CACNG4: variants seen among roughly 807,000 people sequenced by gnomAD.
The protein encoded by CACNG4 is calcium voltage-gated channel auxiliary subunit gamma 4.
A neutral mutation model predicts 22.9 loss-of-function variants in CACNG4; 8 were observed. The observed-to-expected ratio is 0.35, with a 90% CI of 0.21 to 0.63. The LOEUF is 0.63. Ranked by LOEUF, CACNG4 falls within the 30% of genes least tolerant of loss-of-function variation. The pLI, the probability that CACNG4 is intolerant of heterozygous loss-of-function variation, is 0.72. For missense variants in CACNG4, 357 were observed against 455.4 expected, an observed-to-expected ratio of 0.78 and a Z score of 1.97; for synonymous variants, 188 against 191.9, an observed-to-expected ratio of 0.98 and a Z score of 0.17.
intron 2 of CACNG4, among the ~76,000 whole-genome samples, chr17:67,023,099 C>T (rs872719): frequency 0.023 from 3,543 of 152,100 alleles, 152 homozygotes; most frequent in African/African-American, 0.082. Flanking sequence ...CACTCCTTGG[C>T]CCATGGCAGC....
At chr17:66,987,278 C>T (rs564929026) in intron 1 of CACNG4, among the ~76,000 whole-genome samples, 4 of 152,270 alleles carry the variant, frequency 2.6e-5, no homozygotes, top group Non-Finnish European at 2.9e-5. Context: ...GAGGTTTCTT[C>T]TTGGACAAAT....
chr17:66,995,578 G>T (rs568635863), intron 1 of CACNG4, among the ~76,000 whole-genome samples: 21 of 152,158 alleles, frequency 1.4e-4, no homozygotes, highest in Admixed American at 1.4e-3. Context: ...TAGGCCGGGC[G>T]CAGGGGCTCA....
chr17:66,964,981 A>T lies in CACNG4; in HGVS notation c.70A>T (p.Met24Leu), dbSNP rs2035157177. The T allele has an allele frequency of 6.2e-7, 1 of 1,610,678 alleles. No homozygotes were observed. Among genetic ancestry groups the T allele is most frequent in the Non-Finnish European group, 8.5e-7 (1 of 1,179,018 alleles). ...TAGAFAAFSL[M>L]AIAIGTDYWL... Reference sequence around the variant, plus strand: ...CGGAGCCTTCGCCGCCTTCTCGCTCATGGCCATCGCCATCGGCACCGACTA... The same window carrying T: ...CGGAGCCTTCGCCGCCTTCTCGCTCTTGGCCATCGCCATCGGCACCGACTA... Residue 24 changes from methionine to leucine, a missense_variant, in exon 1 of 4, where the codon ATG becomes TTG. Around this residue, in one of 3 missense-constraint regions of CACNG4, gnomAD observed 114 missense variants for 161.6 expected, o/e 0.71. Coordinates refer to ENST00000262138, the MANE Select transcript of CACNG4 (RefSeq NM_014405.4).
chr17:67,028,378 C>G (rs1462983884), intron 3 of CACNG4, among the ~76,000 whole-genome samples: 3 of 152,114 alleles, frequency 2.0e-5, no homozygotes, highest in Non-Finnish European at 2.9e-5. Flanking sequence ...ACGGTGAAAC[C>G]CCGTCTCTAC....
In CACNG4 at chr17:67,032,827, A is replaced by G. The variant is rs940104236; in HGVS notation, c.*1823A>G. The G allele has an allele frequency of 6.5e-6, 1 of 152,880 alleles. No homozygotes were observed. Among genetic ancestry groups the G allele is most frequent in the Non-Finnish European group, 1.5e-5 (1 of 68,274 alleles). 9.5% of individuals were successfully genotyped at this position (152,880 alleles called of 1,614,324 possible). On this transcript the variant is annotated 3_prime_UTR_variant, in exon 4 of 4. Coordinates refer to ENST00000262138, the MANE Select transcript of CACNG4 (RefSeq NM_014405.4). The stretch of plus-strand genomic sequence containing the variant: ...CTAGGCCAGCCCTGTCACCACCTCC[A>G]CTGCCATGACCAGGCCGAAGGCAGG...
At chr17:66,974,149 G>A (rs1467415384) in intron 1 of CACNG4, among the ~76,000 whole-genome samples, 1 of 152,218 alleles carries the variant, frequency 6.6e-6, no homozygotes, top group Non-Finnish European at 1.5e-5. Context: ...AGAGATGATG[G>A]CTGCGTCCAG....
chr17:66,993,766 C>T (rs888127257), intron 1 of CACNG4, among the ~76,000 whole-genome samples: 3 of 152,102 alleles, frequency 2.0e-5, no homozygotes, highest in Admixed American at 6.5e-5. Flanking sequence ...CCACCATGCC[C>T]GGCTAACTTT....
chr17:66,965,527 G>A (rs1004095327), intron 1 of CACNG4, among the ~76,000 whole-genome samples: 3 of 151,284 alleles, frequency 2.0e-5, no homozygotes, highest in Non-Finnish European at 3.0e-5. Context: ...GGCTGGCGAG[G>A]GGGCGGGAGG....
In CACNG4 at chr17:66,975,077, G is replaced by A. The variant is rs578242733; in HGVS notation, c.220+9946G>A. Among the ~76,000 whole-genome samples, 38 of 152,162 alleles carry A rather than the reference G, an allele frequency of 2.5e-4. 1 individual carries two copies. The South Asian group carries it at 6.7e-3, about 27-fold the overall frequency. On this transcript the variant is annotated intron_variant, in intron 1 of 3. Transcript: ENST00000262138. Reference sequence around the variant, plus strand: ...GCAAGCCCACAGAGGTGGAGGTGTCGGGAAATGCTGTTTAACTGCCTCTCC... The same window carrying A: ...GCAAGCCCACAGAGGTGGAGGTGTCAGGAAATGCTGTTTAACTGCCTCTCC...
chr17:67,028,202 A>C lies in CACNG4; in HGVS notation c.446-2264A>C, dbSNP rs1326878470. Among the ~76,000 whole-genome samples, 6 of 152,200 alleles carry C rather than the reference A, an allele frequency of 3.9e-5. No individual in the cohort carries two copies. The East Asian group carries it at 9.6e-4, about 24-fold the overall frequency. ...CCCTTCCACACAGGGTGGGTGCCAC[A>C]GAGAATGGACAGAGGACGTGGACGG... On this transcript the variant is annotated intron_variant, in intron 3 of 3. Coordinates refer to ENST00000262138, the MANE Select transcript of CACNG4 (RefSeq NM_014405.4).
chr17:66,987,788 A>G (rs2035313156), intron 1 of CACNG4, among the ~76,000 whole-genome samples: 1 of 152,044 alleles, frequency 6.6e-6, no homozygotes, highest in Non-Finnish European at 1.5e-5. Context: ...CCTACTGACC[A>G]AACCTACCCA....
chr17:66,968,089 C>T (rs1263279373), intron 1 of CACNG4, among the ~76,000 whole-genome samples: 1 of 152,212 alleles, frequency 6.6e-6, no homozygotes, highest in Non-Finnish European at 1.5e-5. Context: ...CTGTCTTCAC[C>T]CCCATCTGCA....
Position 66,992,699 on chromosome 17 carries a change from C to T in CACNG4, c.221-25490C>T, listed in dbSNP as rs373072411. Among the ~76,000 whole-genome samples the T allele has an allele frequency of 5.9e-5, 9 of 152,344 alleles. No individual in the cohort carries two copies. In the South Asian group the frequency reaches 1.7e-3, roughly 28 times the overall value. On this transcript the variant is annotated intron_variant, in intron 1 of 3. Coordinates refer to ENST00000262138, the MANE Select transcript of CACNG4 (RefSeq NM_014405.4). ...GGTAACAGAGCCGGAGAGGCTGTTG[C>T]GTTTGCACCGGTTTCTCTGTCCTAG... is the stretch of plus-strand genomic sequence containing the variant.
At chr17:66,991,235 C>T (rs1442658008) in intron 1 of CACNG4, among the ~76,000 whole-genome samples, 3 of 152,168 alleles carry the variant, frequency 2.0e-5, no homozygotes, top group South Asian at 4.2e-4. Flanking sequence ...CCCATCTCAC[C>T]GTTTCCACTG....
chr17:67,009,914 A>G (rs2035459253), intron 1 of CACNG4, among the ~76,000 whole-genome samples: 2 of 152,128 alleles, frequency 1.3e-5, no homozygotes. Context: ...AGACTACTGC[A>G]TCCCCACCGT....
In CACNG4 at chr17:66,986,407, G is replaced by T. The variant is rs535237320; in HGVS notation, c.220+21276G>T. On this transcript the variant is annotated intron_variant, in intron 1 of 3. Coordinates refer to ENST00000262138, the MANE Select transcript of CACNG4 (RefSeq NM_014405.4). ...GTTGGGGAAACACTGGAAAATTCCA[G>T]CCCGGGGGGATGAGTCCTGAATTAG... 3.3e-5 allele frequency among the ~76,000 whole-genome samples: 5 copies of T among 152,298 alleles called. No individual in the cohort carries two copies. The South Asian group carries it at 1.0e-3, about 32-fold the overall frequency.
intron 1 of CACNG4, among the ~76,000 whole-genome samples, chr17:67,000,436 C>A (rs546133117): frequency 1.3e-5 from 2 of 151,814 alleles, no homozygotes; most frequent in East Asian, 3.9e-4. Flanking sequence ...TAAATGCAAG[C>A]AAAAGCCTCA....
At position 66,964,878 on chromosome 17, in the gene CACNG4, G is replaced by T; in HGVS notation, c.-34G>T. The T allele has an allele frequency of 8.2e-7, 1 of 1,216,848 alleles. No homozygotes were observed. Among genetic ancestry groups the T allele is most frequent in the Non-Finnish European group, 1.0e-6 (1 of 960,292 alleles). 75.4% of individuals were successfully genotyped at this position (1,216,848 alleles called of 1,614,324 possible). A position where few individuals can be genotyped will look rare whatever the true frequency, so the allele number is the denominator to read the frequency against. ...GGAGGGCGGGCGGGCGCGGCGGGCC[G>T]GGCCGGCGGGCGGCGGACTATGAGG... On this transcript the variant is annotated 5_prime_UTR_variant, in exon 1 of 4. Transcript: ENST00000262138.
Position 67,018,094 on chromosome 17 carries a change from A to G in CACNG4, c.221-95A>G. ...TTCTCTGTCTGTCCCCAGGACCTGC[A>G]CAGAGGCTCACACACATGGCAACCG... On this transcript the variant is annotated intron_variant, in intron 1 of 3. Coordinates refer to ENST00000262138, the MANE Select transcript of CACNG4 (RefSeq NM_014405.4). 3.2e-6 allele frequency: 3 copies of G among 926,492 alleles called. No homozygotes were observed. The East Asian group carries it at 7.2e-5, about 22-fold the overall frequency. 57.4% of individuals were successfully genotyped at this position (926,492 alleles called of 1,614,324 possible).
Sources: gnomAD v4.1 joint callset for allele counts (sites outside exome capture counted in the v4.1 genomes callset) on GRCh38, gnomAD v4.1.1 for gene constraint, gnomAD v4.1.1 regional missense constraint, MANE v1.5 for transcripts, NCBI Gene and HGNC (gene_info 2026-07-23, HGNC 2026-07-21) for gene names.